Variants in FSIP1 observed in about 807,000 individuals in gnomAD.
FSIP1 encodes the protein fibrous sheath interacting protein 1.
In FSIP1, 65 loss-of-function variants were observed where a neutral mutation model predicts 60.9. The observed-to-expected ratio is 1.07, with a 90% CI of 0.87 to 1.31. The LOEUF (loss-of-function observed/expected upper bound fraction) is 1.31. FSIP1 is among the 40% of genes most tolerant of loss of function. The pLI, the probability that FSIP1 is intolerant of heterozygous loss-of-function variation, is 0.00. For missense variants in FSIP1, 675 were observed against 665.5 expected, an observed-to-expected ratio of 1.01 and a Z score of -0.16; for synonymous variants, 209 against 221.2, an observed-to-expected ratio of 0.94 and a Z score of 0.49.
chr15:39,749,263 C>CAAAAAAGAAAAAAAA (rs572753300), intron 5 of FSIP1, among the ~76,000 whole-genome samples: 3 of 98,322 alleles, frequency 3.1e-5, no homozygotes, highest in African/African-American at 1.4e-4. Flanking sequence ...TAAACTCTTC[C>CAAAAAAGAAAAAAAA]AAAAAAAAAA....
chr15:39,665,953 CAG>C (rs1289370374), intron 10 of FSIP1, among the ~76,000 whole-genome samples: 2 of 152,122 alleles, frequency 1.3e-5, no homozygotes, highest in East Asian at 3.8e-4. Context: ...TTATATTTCC[CAG>C]AGAGATTATA....
Position 39,618,089 on chromosome 15 carries a change from T to A in FSIP1, c.1345A>T (p.Ile449Phe), listed in dbSNP as rs1566854068. 3.1e-6 allele frequency: 5 copies of A among 1,614,200 alleles called. No homozygotes were observed. The highest frequency in any genetic ancestry group is 4.2e-6 in the Non-Finnish European group (5 of 1,180,036). The change falls in exon 11 of 12, where the codon ATC becomes TTC. Residue 449 changes from isoleucine (I) to phenylalanine (F), a missense_variant. Ile to Phe is a conservative substitution (Grantham distance 21). Transcript: ENST00000350221. ...PVFPQLSRSI[I>F]SKLLNESETK... ...TCTGATTCATTTAGCAATTTAGAGA[T>A]GATGGACCTGGAAAGCTGGGGGAAC...
At chr15:39,652,216 A>G (rs1452836025) in intron 10 of FSIP1, among the ~76,000 whole-genome samples, 1 of 152,220 alleles carries the variant, frequency 6.6e-6, no homozygotes, top group African/African-American at 2.4e-5. Context: ...CGGGCTAAAT[A>G]TTACCATTTT....
chr15:39,695,651 T>G (rs1048826863), intron 10 of FSIP1, among the ~76,000 whole-genome samples: 1 of 152,218 alleles, frequency 6.6e-6, no homozygotes, highest in African/African-American at 2.4e-5. Flanking sequence ...TAGTTAAATC[T>G]TAATACACTG....
intron 10 of FSIP1, among the ~76,000 whole-genome samples, chr15:39,635,017 T>C (rs1206629124): frequency 6.6e-6 from 1 of 151,082 alleles, no homozygotes; most frequent in East Asian, 2.0e-4. Flanking sequence ...AAACTGTTTA[T>C]TCTCTGCTTA....
intron 10 of FSIP1, among the ~76,000 whole-genome samples, chr15:39,711,562 C>CA (rs2140548913): frequency 6.6e-6 from 1 of 151,106 alleles, no homozygotes; most frequent in East Asian, 2.0e-4. Context: ...CAACAGTTTT[C>CA]AAAACCAATC....
chr15:39,760,739 G>T (rs1187920763), intron 5 of FSIP1, among the ~76,000 whole-genome samples: 1 of 151,970 alleles, frequency 6.6e-6, no homozygotes, highest in Non-Finnish European at 1.5e-5. Flanking sequence ...TAAATAAAAA[G>T]GACATTAGTG....
In FSIP1 at chr15:39,661,055, G is replaced by C. The variant is rs370335502; in HGVS notation, c.1189-42810C>G. Among the ~76,000 whole-genome samples the C allele has an allele frequency of 3.4e-4, 52 of 152,250 alleles. No homozygotes were observed. The East Asian group carries it at 8.3e-3, about 24-fold the overall frequency. On this transcript the variant is annotated intron_variant, in intron 10 of 11. Transcript: ENST00000350221. The stretch of plus-strand genomic sequence containing the variant: ...CCAGCCTGAGCAACAGAGAGAGACT[G>C]CGTCTCCAATAAAATAAATAAATAA...
At chr15:39,639,820 T>C (rs1355853325) in intron 10 of FSIP1, among the ~76,000 whole-genome samples, 1 of 152,040 alleles carries the variant, frequency 6.6e-6, no homozygotes, top group East Asian at 1.9e-4. Context: ...TAACAATCTG[T>C]AAAAGGAAAA....
At chr15:39,672,337 T>C (rs1486502855) in intron 10 of FSIP1, among the ~76,000 whole-genome samples, 2 of 152,182 alleles carry the variant, frequency 1.3e-5, no homozygotes, top group Non-Finnish European at 2.9e-5. Context: ...GTCCTCAACA[T>C]TGTGATCAGC....
chr15:39,617,684 T>G, intron 11 of FSIP1, 51 bp downstream of exon 11: 100 of 1,484,310 alleles, frequency 6.7e-5, no homozygotes, highest in Non-Finnish European at 8.9e-5. Flanking sequence ...ACCTTTATAT[T>G]GAGGTGCTTT....
intron 11 of FSIP1, among the ~76,000 whole-genome samples, chr15:39,615,627 C>T (rs993884460): frequency 6.6e-6 from 1 of 151,818 alleles, no homozygotes; most frequent in African/African-American, 2.4e-5. Context: ...GTGGCTCACG[C>T]CTGTAATCCC....
Position 39,672,572 on chromosome 15 carries a change from G to C in FSIP1, c.1188+40872C>G, listed in dbSNP as rs148605233. Among the ~76,000 whole-genome samples, 544 of 152,270 alleles carry C rather than the reference G, an allele frequency of 3.6e-3. 5 individuals are homozygous for C. The highest frequency in any genetic ancestry group is 0.012 in the African/African-American group (500 of 41,552). On this transcript the variant is annotated intron_variant, in intron 10 of 11. Coordinates refer to ENST00000350221, the MANE Select transcript of FSIP1 (RefSeq NM_152597.5). The stretch of plus-strand genomic sequence containing the variant: ...CAAGGGAAAATCAGATCAGTGGCTT[G>C]AAAGTGCATCCAGTATACTTGGAAA...
chr15:39,698,263 G>A (rs1478914945), intron 10 of FSIP1, among the ~76,000 whole-genome samples: 2 of 151,370 alleles, frequency 1.3e-5, no homozygotes, highest in Non-Finnish European at 2.9e-5. Flanking sequence ...ACTATAGTGA[G>A]TTAAATATAA....
At chr15:39,716,812 C>CTTTTTTTTTTTTTTTTTTTTTTTTTTTT (rs72106293) in intron 9 of FSIP1, among the ~76,000 whole-genome samples, 1 of 110,210 alleles carries the variant, frequency 9.1e-6, no homozygotes, top group Non-Finnish European at 1.8e-5. Context: ...CAGGCCATGT[C>CTTTTTTTTTTTTTTTTTTTTTTTTTTTT]TTTTTTTTTT....
chr15:39,738,143 A>G lies in FSIP1; in HGVS notation c.839T>C (p.Val280Ala), dbSNP rs1171425207. The G allele has an allele frequency of 1.2e-6, 2 of 1,613,432 alleles. No individual in the cohort carries two copies. Among genetic ancestry groups the G allele is most frequent in the Non-Finnish European group, 1.7e-6 (2 of 1,179,816 alleles). The change falls in exon 8 of 12, where the codon GTT becomes GCT. Residue 280 changes from valine (V) to alanine (A), a missense_variant. Val to Ala is a moderately conservative substitution (Grantham distance 64, BLOSUM62 0). Transcript: ENST00000350221. Reference sequence around the variant, plus strand: ...CTCATCCAAGTCCTTCAAAAGCTCAACCAGCCTTTTCTTCTCTCTGTCAAC... The same window carrying G: ...CTCATCCAAGTCCTTCAAAAGCTCAGCCAGCCTTTTCTTCTCTCTGTCAAC... ...VMVDREKKRL[V>A]ELLKDLDEKD... is the part of the protein sequence containing the mutation.
At chr15:39,751,649 G>A (rs568185412) in intron 5 of FSIP1, among the ~76,000 whole-genome samples, 1 of 151,912 alleles carries the variant, frequency 6.6e-6, no homozygotes, top group South Asian at 2.1e-4. Flanking sequence ...ATGATTACCT[G>A]GGGAGAGAAC....
chr15:39,691,348 C>T (rs1438551774), intron 10 of FSIP1, among the ~76,000 whole-genome samples: 3 of 152,180 alleles, frequency 2.0e-5, no homozygotes, highest in Non-Finnish European at 4.4e-5. Context: ...AGGGCAGTGG[C>T]CCCAGATGAA....
intron 10 of FSIP1, among the ~76,000 whole-genome samples, chr15:39,636,957 C>T (rs972755391): frequency 6.6e-6 from 1 of 152,182 alleles, no homozygotes; most frequent in African/African-American, 2.4e-5. Context: ...AGCCATCACA[C>T]CAGCCCAGTT....
Sources: gnomAD v4.1 joint callset for allele counts (sites outside exome capture counted in the v4.1 genomes callset) on GRCh38, gnomAD v4.1.1 for gene constraint, MANE v1.5 for transcripts, NCBI Gene and HGNC (gene_info 2026-07-23, HGNC 2026-07-21) for gene names.